The following ATP6V1A variants were observed in gnomAD, a reference collection of about 807,000 sequenced individuals.
The protein encoded by ATP6V1A is ATPase H+ transporting V1 subunit A.
ATP6V1A carries 18 observed loss-of-function variants against 70.1 expected under a neutral mutation model. That is an observed-to-expected ratio of 0.26 (90% CI 0.18 to 0.38). ATP6V1A has a LOEUF of 0.38. ATP6V1A is among the 10% of genes least tolerant of loss of function. The pLI, the probability that ATP6V1A is intolerant of heterozygous loss-of-function variation, is 1.00. For missense variants in ATP6V1A, 424 were observed against 772.4 expected, an observed-to-expected ratio of 0.55 and a Z score of 5.35; for synonymous variants, 232 against 253.8, an observed-to-expected ratio of 0.91 and a Z score of 0.82.
At chr3:113,800,170 T>G (rs1182838219) in intron 12 of ATP6V1A, among the ~76,000 whole-genome samples, 1 of 150,462 alleles carries the variant, frequency 6.6e-6, no homozygotes, top group Non-Finnish European at 1.5e-5. Context: ...AGGCGGAGGT[T>G]GCAGTGAGCC....
At chr3:113,756,338 AT>A (rs1479297862) in intron 1 of ATP6V1A, among the ~76,000 whole-genome samples, 12 of 152,344 alleles carry the variant, frequency 7.9e-5, no homozygotes, top group African/African-American at 2.9e-4. Flanking sequence ...TTAATAGAAC[AT>A]TTTGTACATC....
chr3:113,796,023 C>T lies in ATP6V1A; in HGVS notation c.1290+84C>T, dbSNP rs1459136344. 2.7e-5 allele frequency: 32 copies of T among 1,189,496 alleles called. No individual in the cohort carries two copies. In the East Asian group the frequency reaches 3.2e-4, roughly 12 times the overall value. The allele number at this position is 1,189,496 out of a possible 1,614,324, so 73.7% of individuals were successfully genotyped here. A position where few individuals can be genotyped will look rare whatever the true frequency, so the allele number is the denominator to read the frequency against. On this transcript the variant is annotated intron_variant, in intron 11 of 14. Coordinates refer to ENST00000273398, the MANE Select transcript of ATP6V1A (RefSeq NM_001690.4). Reference sequence around the variant, plus strand: ...CTGTTCTAATGCGATCTAATGTAATCGTTGTGAAGTATTTAATTTAGTCTC... The same window carrying T: ...CTGTTCTAATGCGATCTAATGTAATTGTTGTGAAGTATTTAATTTAGTCTC...
At chr3:113,769,592 T>C (rs546337382) in intron 1 of ATP6V1A, among the ~76,000 whole-genome samples, 5 of 152,300 alleles carry the variant, frequency 3.3e-5, no homozygotes, top group Middle Eastern at 6.8e-3. Flanking sequence ...ACTTTGGTAA[T>C]AAAAAGAATA....
At chr3:113,806,387 T>G (rs1424909250) in intron 14 of ATP6V1A, among the ~76,000 whole-genome samples, 1 of 152,230 alleles carries the variant, frequency 6.6e-6, no homozygotes, top group East Asian at 1.9e-4. Flanking sequence ...TATTAACCTC[T>G]AGCACATGTG....
intron 3 of ATP6V1A, among the ~76,000 whole-genome samples, chr3:113,782,542 CTA>C (rs1553709712): frequency 4.4e-4 from 62 of 141,120 alleles, no homozygotes; most frequent in Admixed American, 7.9e-4. Flanking sequence ...CTCTCTCTCT[CTA>C]TATATATATA....
rs936080169 is a variant in ATP6V1A, at chr3:113,787,525, C to T, written c.716+1142C>T. On this transcript the variant is annotated intron_variant, in intron 6 of 14. Coordinates refer to ENST00000273398, the MANE Select transcript of ATP6V1A (RefSeq NM_001690.4). ...CTCTGTAACCAATTATATAATTTTA[C>T]GGTAAACTGATTTTGTGATGTACAA... 6.6e-5 allele frequency among the ~76,000 whole-genome samples: 10 copies of T among 152,082 alleles called. 1 individual carries two copies. The highest frequency in any genetic ancestry group is 2.6e-4 in the Admixed American group (4 of 15,266).
rs760842074 is a variant in ATP6V1A, at chr3:113,784,275, T to C, written c.263T>C (p.Val88Ala). The C allele has an allele frequency of 1.2e-6, 2 of 1,614,084 alleles. No homozygotes were observed. Among genetic ancestry groups the C allele is most frequent in the Admixed American group, 1.7e-5 (1 of 60,002 alleles). Reference sequence around the variant, plus strand: ...CTTCGCACTGGTAAACCCCTCTCTGTAGAGCTTGGTCCTGGCATTATGGGA... The same window carrying C: ...CTTCGCACTGGTAAACCCCTCTCTGCAGAGCTTGGTCCTGGCATTATGGGA... ...PVLRTGKPLS[V>A]ELGPGIMGAI... The change falls in exon 4 of 15, where the codon GTA becomes GCA. Residue 88 changes from valine (V) to alanine (A), a missense_variant. Val to Ala is a moderately conservative substitution (Grantham distance 64). Around this residue, in one of 9 missense-constraint regions of ATP6V1A, gnomAD observed 139 missense variants for 163.5 expected, o/e 0.85. Coordinates refer to ENST00000273398, the MANE Select transcript of ATP6V1A (RefSeq NM_001690.4).
intron 12 of ATP6V1A, among the ~76,000 whole-genome samples, chr3:113,802,181 A>C (rs1322015203): frequency 6.6e-6 from 1 of 152,252 alleles, no homozygotes. Context: ...ACTGTACTTC[A>C]TAGTTCTAAA....
rs202125738 is a variant in ATP6V1A at position 113,803,547 on chromosome 3, A to G, written c.1495-36A>G. ...ATTGCCACCATCAATCTTACATTTT[A>G]GAGTAAATGTCTAAAAATATCTTTT... On this transcript the variant is annotated intron_variant, in intron 12 of 14. Coordinates refer to ENST00000273398, the MANE Select transcript of ATP6V1A (RefSeq NM_001690.4). 3.2e-5 allele frequency: 47 copies of G among 1,457,064 alleles called. No individual in the cohort carries two copies. The African/African-American group carries it at 5.6e-4, about 17-fold the overall frequency. 90.3% of individuals were successfully genotyped at this position (1,457,064 alleles called of 1,614,324 possible).
chr3:113,776,555 C>T (rs541962112), intron 1 of ATP6V1A, among the ~76,000 whole-genome samples: 2 of 152,308 alleles, frequency 1.3e-5, no homozygotes, highest in African/African-American at 4.8e-5. Flanking sequence ...GCTCTGTAAA[C>T]ATATAATAAA....
At chr3:113,798,618 T>C (rs1209302858) in intron 12 of ATP6V1A, among the ~76,000 whole-genome samples, 172 bp downstream of exon 12, 4 of 152,214 alleles carry the variant, frequency 2.6e-5, no homozygotes, top group African/African-American at 4.8e-5. Context: ...TTTGGGTATA[T>C]TGTATGTGAG....
intron 11 of ATP6V1A, among the ~76,000 whole-genome samples, chr3:113,796,939 GT>G (rs1207742457): frequency 1.3e-5 from 2 of 152,158 alleles, no homozygotes; most frequent in African/African-American, 4.8e-5. Context: ...AGATGTTTTT[GT>G]TTTGTTTGTT....
chr3:113,762,351 C>G (rs1708713827), intron 1 of ATP6V1A, among the ~76,000 whole-genome samples: 2 of 152,048 alleles, frequency 1.3e-5, no homozygotes, highest in African/African-American at 4.8e-5. Context: ...GGCGGATCAC[C>G]TGAGGTCAGG....
At chr3:113,801,930 A>C (rs1235042366) in intron 12 of ATP6V1A, among the ~76,000 whole-genome samples, 9 of 151,836 alleles carry the variant, frequency 5.9e-5, no homozygotes, top group Non-Finnish European at 1.2e-4. Flanking sequence ...AAAAAAAAAA[A>C]AACAAAACTG....
intron 1 of ATP6V1A, among the ~76,000 whole-genome samples, chr3:113,754,390 GGGCACGAT>G (rs1708624212): frequency 6.6e-6 from 1 of 151,910 alleles, no homozygotes; most frequent in Admixed American, 6.6e-5. Context: ...AAAATTATTT[GGGCACGAT>G]GGCATGCACC....
In ATP6V1A at chr3:113,770,821, G is replaced by A. The variant is rs566514304; in HGVS notation, c.-13-7920G>A. ...GATAAAATTAACTTTCAGGCCAGGC[G>A]TGATAGCTCATGCCTGTTATCCCAG... On this transcript the variant is annotated intron_variant, in intron 1 of 14. Coordinates refer to ENST00000273398, the MANE Select transcript of ATP6V1A (RefSeq NM_001690.4). Among the ~76,000 whole-genome samples the A allele has an allele frequency of 3.3e-5, 5 of 151,956 alleles. No individual in the cohort carries two copies. The South Asian group carries it at 1.0e-3, about 32-fold the overall frequency.
At chr3:113,758,803 G>T (rs1047696704) in intron 1 of ATP6V1A, among the ~76,000 whole-genome samples, 10 of 152,306 alleles carry the variant, frequency 6.6e-5, no homozygotes, top group Non-Finnish European at 1.3e-4. Flanking sequence ...ATATGTGAGT[G>T]TGTTAGTTGT....
chr3:113,794,732 A>G, intron 8 of ATP6V1A, 140 bp from the exon 9 acceptor site: 2 of 947,226 alleles, frequency 2.1e-6, no homozygotes. Context: ...GTGCCCAGAA[A>G]AAGAGGAAGA....
chr3:113,793,167 C>G (rs1709115407), intron 8 of ATP6V1A, among the ~76,000 whole-genome samples: 1 of 152,120 alleles, frequency 6.6e-6, no homozygotes, highest in Admixed American at 6.6e-5. Flanking sequence ...TCAAGCAGTT[C>G]TACAACCTCA....
Sources: allele counts gnomAD v4.1 joint callset (sites outside exome capture counted in the v4.1 genomes callset), GRCh38; gene constraint gnomAD v4.1.1; regional missense constraint gnomAD v4.1.1; transcripts MANE v1.5; gene names NCBI Gene and HGNC (gene_info 2026-07-23, HGNC 2026-07-21).